Variants in ZPBP observed in about 807,000 individuals in gnomAD.
ZPBP encodes the protein zona pellucida binding protein.
A neutral mutation model predicts 44.8 loss-of-function variants in ZPBP; 26 were observed. The ratio of observed to expected loss-of-function variants is 0.58; its 90% CI spans 0.43 to 0.81. ZPBP has a LOEUF of 0.81. Among genes scored for constraint, ZPBP ranks in the 30% least tolerant of loss-of-function variants. The probability of loss-of-function intolerance (pLI) is 0.00; values close to 1 mark genes in which losing one functional copy is unlikely to be tolerated. For synonymous variants in ZPBP, 174 were observed against 153.2 expected (o/e 1.14, Z -1.00); for missense variants, 409 against 434.0 (o/e 0.94, Z 0.51).
intron 7 of ZPBP, among the ~76,000 whole-genome samples, chr7:49,982,158 TA>T (rs1302875979): frequency 9.3e-5 from 3 of 32,296 alleles, no homozygotes; most frequent in African/African-American, 2.8e-4. Flanking sequence ...ATATAATATA[TA>T]ATATATATTA....
intron 3 of ZPBP, among the ~76,000 whole-genome samples, chr7:50,077,414 A>G (rs1215806387): frequency 6.6e-6 from 1 of 151,816 alleles, no homozygotes; most frequent in Admixed American, 6.6e-5. Flanking sequence ...TCAAGTTAAA[A>G]AGGTTTTGCA....
intron 6 of ZPBP, among the ~76,000 whole-genome samples, chr7:50,006,943 T>A (rs1248651277): frequency 6.6e-6 from 1 of 151,934 alleles, no homozygotes; most frequent in African/African-American, 2.4e-5. Flanking sequence ...CCCCCAAAAA[T>A]TCATATGTTG....
At chr7:49,991,532 G>T (rs1797569677) in intron 6 of ZPBP, among the ~76,000 whole-genome samples, 1 of 152,000 alleles carries the variant, frequency 6.6e-6, no homozygotes, top group African/African-American at 2.4e-5. Flanking sequence ...GCAATGTCGG[G>T]ACAACTTCAA....
chr7:49,916,493 ATAG>A (rs1226790636), intron 1 of ZPBP: 3 of 152,182 alleles, frequency 2.0e-5, no homozygotes, highest in Non-Finnish European at 2.9e-5. Context: ...TGTCCCAGTA[ATAG>A]TACTAATTTG....
chr7:50,034,733 T>C lies in ZPBP; in HGVS notation c.488-3423A>G, dbSNP rs543752841. On this transcript the variant is annotated intron_variant, in intron 4 of 7. Coordinates refer to ENST00000046087, the MANE Select transcript of ZPBP (RefSeq NM_007009.3). The stretch of plus-strand genomic sequence containing the variant: ...GCTTATTATTCTCAGGACTAAGAGA[T>C]TCATTCAATAAGATATGGAATCCAA... Among the ~76,000 whole-genome samples the C allele has an allele frequency of 8.5e-5, 13 of 152,286 alleles. No homozygotes were observed. The South Asian group carries it at 1.5e-3, about 17-fold the overall frequency.
chr7:49,853,968 G>C (rs113406017), intron 2 of ZPBP, among the ~76,000 whole-genome samples: 3 of 150,230 alleles, frequency 2.0e-5, no homozygotes, highest in Non-Finnish European at 4.4e-5. Flanking sequence ...TGCGGTGTTT[G>C]GTTTTCTGTC....
chr7:49,922,482 A>G (rs145638166), intron 1 of ZPBP, among the ~76,000 whole-genome samples: 16 of 152,338 alleles, frequency 1.1e-4, no homozygotes, highest in Middle Eastern at 3.4e-3. Context: ...GCCAAGGGCA[A>G]CTGGAAAATC....
intron 3 of ZPBP, among the ~76,000 whole-genome samples, chr7:50,073,033 T>C (rs1801924476): frequency 6.6e-6 from 1 of 152,060 alleles, no homozygotes; most frequent in African/African-American, 2.4e-5. Flanking sequence ...GTATCAACAC[T>C]ATTCAGGAAA....
chr7:50,062,209 T>A (rs1444129735), intron 3 of ZPBP, among the ~76,000 whole-genome samples: 1 of 152,172 alleles, frequency 6.6e-6, no homozygotes, highest in African/African-American at 2.4e-5. Context: ...TCCATGCTCA[T>A]GGGTAGAAAG....
chr7:49,858,533 C>T lies in ZPBP; in HGVS notation n.510-8019G>A, dbSNP rs181968978. Among the ~76,000 whole-genome samples the T allele has an allele frequency of 7.6e-5, 10 of 131,890 alleles. No homozygotes were observed. The East Asian group carries it at 2.0e-3, about 26-fold the overall frequency. 86.5% of individuals were successfully genotyped at this position (131,890 alleles called of 152,430 possible). A position where few individuals can be genotyped will look rare whatever the true frequency, so the allele number is the denominator to read the frequency against. ...CAACACACGGACACAGGAAGGGGAACATCACACACTGGGGCCTGTTGTGGG... is the reference window on the plus strand; with the variant it reads ...CAACACACGGACACAGGAAGGGGAATATCACACACTGGGGCCTGTTGTGGG... On this transcript the variant is annotated intron_variant and non_coding_transcript_variant, in intron 2 of 2. Transcript: ENST00000465922.
At chr7:50,078,901 A>G (rs1802233038) in intron 3 of ZPBP, among the ~76,000 whole-genome samples, 1 of 106,726 alleles carries the variant, frequency 9.4e-6, no homozygotes, top group Non-Finnish European at 2.0e-5. Context: ...GGCAAAAGAC[A>G]TGAATAGACA....
chr7:50,064,425 G>C (rs1363618815), intron 3 of ZPBP, among the ~76,000 whole-genome samples: 2 of 152,172 alleles, frequency 1.3e-5, no homozygotes, highest in Non-Finnish European at 2.9e-5. Context: ...CAACCGGTCT[G>C]ACCAAAATTT....
chr7:49,941,281 G>A (rs746066370), intron 7 of ZPBP, among the ~76,000 whole-genome samples: 2 of 152,140 alleles, frequency 1.3e-5, no homozygotes, highest in African/African-American at 2.4e-5. Context: ...AGTTAATCCT[G>A]CTTTTGGGTA....
chr7:49,983,548 G>C (rs757230369), intron 6 of ZPBP, 29 bp from the exon 7 acceptor site: 1 of 1,397,134 alleles, frequency 7.2e-7, no homozygotes, highest in Admixed American at 2.0e-5. Flanking sequence ...TTGATAAACT[G>C]TTAGCCATAA....
intron 6 of ZPBP, among the ~76,000 whole-genome samples, chr7:50,001,912 A>G (rs1452286861): frequency 6.6e-6 from 1 of 152,084 alleles, no homozygotes; most frequent in Non-Finnish European, 1.5e-5. Flanking sequence ...TTTTGTATGC[A>G]TGTATTTTTT....
intron 3 of ZPBP, among the ~76,000 whole-genome samples, chr7:50,075,083 C>T (rs1234137337): frequency 6.6e-6 from 1 of 151,584 alleles, no homozygotes; most frequent in Non-Finnish European, 1.5e-5. Flanking sequence ...TCTCTGACCA[C>T]AATGGAATAA....
rs917937968 is a variant in ZPBP at position 50,076,151 on chromosome 7, A to C, written c.334+5623T>G. On this transcript the variant is annotated intron_variant, in intron 3 of 7. Transcript: ENST00000046087. Reference sequence around the variant, plus strand: ...CATGTTAACAGAATGAAGGATAAAAACATGAACGATCATGTTTTGATTAAA... The same window carrying C: ...CATGTTAACAGAATGAAGGATAAAACCATGAACGATCATGTTTTGATTAAA... Among the ~76,000 whole-genome samples the C allele has an allele frequency of 4.6e-5, 7 of 152,000 alleles. No homozygotes were observed. The South Asian group carries it at 1.0e-3, about 23-fold the overall frequency.
At chr7:49,940,086 A>G (rs1794806035) in intron 7 of ZPBP, among the ~76,000 whole-genome samples, 1 of 152,184 alleles carries the variant, frequency 6.6e-6, no homozygotes, top group Non-Finnish European at 1.5e-5. Context: ...TCCTTTTCAT[A>G]AACAGACATG....
intron 5 of ZPBP, among the ~76,000 whole-genome samples, chr7:50,024,868 G>A (rs1234357425): frequency 6.6e-6 from 1 of 151,862 alleles, no homozygotes; most frequent in African/African-American, 2.4e-5. Context: ...GGAAAAGAAA[G>A]ATAATGATGT....
Sources: allele counts gnomAD v4.1 joint callset (sites outside exome capture counted in the v4.1 genomes callset), GRCh38; gene constraint gnomAD v4.1.1; transcripts MANE v1.5; gene names NCBI Gene and HGNC (gene_info 2026-07-23, HGNC 2026-07-21).